Variants in ZBBX observed in about 807,000 individuals in gnomAD.
ZBBX encodes the protein zinc finger B-box domain containing.
A neutral mutation model predicts 108.5 loss-of-function variants in ZBBX; 101 were observed. The ratio of observed to expected loss-of-function variants is 0.93; its 90% confidence interval spans 0.79 to 1.10. The LOEUF is 1.10. Among genes scored for constraint, ZBBX ranks in the 50% least tolerant of loss-of-function variants. The pLI is 0.00. For synonymous variants in ZBBX, 356 were observed against 323.4 expected, an observed-to-expected ratio of 1.10 and a Z score of -1.08; for missense variants, 1,009 against 941.4, an observed-to-expected ratio of 1.07 and a Z score of -0.94.
At chr3:167,368,329 T>C (rs1409510059) in intron 5 of ZBBX, 132 bp downstream of exon 5, 2 of 659,056 alleles carry the variant, frequency 3.0e-6, no homozygotes, top group Non-Finnish European at 5.0e-6. Flanking sequence ...GCCTTTGCTA[T>C]TGCTCGTTCA....
intron 9 of ZBBX, among the ~76,000 whole-genome samples, chr3:167,348,296 A>AAAGAG (rs1553832440): frequency 9.2e-6 from 1 of 108,844 alleles, no homozygotes; most frequent in African/African-American, 3.3e-5. Context: ...GGAAGGAAAG[A>AAAGAG]AGAAAGAGAG....
At chr3:167,366,781 A>G (rs1001431764) in intron 5 of ZBBX, 4 of 454,774 alleles carry the variant, frequency 8.8e-6, no homozygotes, top group African/African-American at 2.0e-5. Flanking sequence ...AAAACTCACT[A>G]TCAGGGCTGA....
chr3:167,286,079 C>G (rs535737302), intron 19 of ZBBX, among the ~76,000 whole-genome samples: 52 of 152,132 alleles, frequency 3.4e-4, no homozygotes, highest in East Asian at 1.5e-3. Flanking sequence ...CAGAAGGTCT[C>G]TCTATGGAGG....
intron 3 of ZBBX, among the ~76,000 whole-genome samples, chr3:167,373,410 A>G (rs1746466997): frequency 6.6e-6 from 1 of 152,188 alleles, no homozygotes; most frequent in Admixed American, 6.5e-5. Flanking sequence ...ATGTGCTAAT[A>G]AAGTTAGAAA....
chr3:167,223,210 C>T, the ZBBX span, among the ~76,000 whole-genome samples: 3 of 151,972 alleles, frequency 2.0e-5, no homozygotes, highest in African/African-American at 4.8e-5. Flanking sequence ...TCAGAGTCCT[C>T]ACCCCATACC....
At chr3:167,329,233 G>A (rs1737960527) in intron 10 of ZBBX, among the ~76,000 whole-genome samples, 1 of 152,130 alleles carries the variant, frequency 6.6e-6, no homozygotes, top group Non-Finnish European at 1.5e-5. Flanking sequence ...GGAAACCCAA[G>A]CAAAGTAAAA....
At chr3:167,316,029 TCAC>T in intron 14 of ZBBX, among the ~76,000 whole-genome samples, 200 bp from the exon 15 acceptor site, 1 of 152,248 alleles carries the variant, frequency 6.6e-6, no homozygotes, top group East Asian at 1.9e-4. Flanking sequence ...AATTACTTTA[TCAC>T]TATTATAATA....
intron 20 of ZBBX, among the ~76,000 whole-genome samples, chr3:167,276,647 G>A (rs1028950328): frequency 6.6e-5 from 10 of 152,282 alleles, no homozygotes; most frequent in South Asian, 2.1e-4. Context: ...CGGGGAGAAC[G>A]GAACCAAGTT....
chr3:167,359,129 T>C (rs1744100548), intron 8 of ZBBX, among the ~76,000 whole-genome samples: 1 of 152,080 alleles, frequency 6.6e-6, no homozygotes, highest in South Asian at 2.1e-4. Flanking sequence ...TACTCCATAA[T>C]ACAAATGAAC....
chr3:167,370,869 A>G (rs1746057162), intron 4 of ZBBX, among the ~76,000 whole-genome samples: 2 of 152,190 alleles, frequency 1.3e-5, no homozygotes, highest in South Asian at 2.1e-4. Context: ...TTTAAATATT[A>G]TGCATCAAAC....
At chr3:167,264,158 A>T (rs1388773061) in intron 20 of ZBBX, among the ~76,000 whole-genome samples, 3 of 152,124 alleles carry the variant, frequency 2.0e-5, no homozygotes, top group Non-Finnish European at 4.4e-5. Context: ...TTTTCCATCC[A>T]TTCAGCCATT....
At chr3:167,337,240 G>A (rs1440832272) in intron 9 of ZBBX, among the ~76,000 whole-genome samples, 4 of 152,112 alleles carry the variant, frequency 2.6e-5, no homozygotes, top group Admixed American at 6.6e-5. Flanking sequence ...TATTTAGGCT[G>A]GGCAGGGTGG....
chr3:167,235,850 C>T (rs1402719528), downstream of ZBBX, among the ~76,000 whole-genome samples: 1 of 151,554 alleles, frequency 6.6e-6, no homozygotes, highest in African/African-American at 2.4e-5. Flanking sequence ...ACATCATAAT[C>T]ATTTACTCAA....
the ZBBX span, among the ~76,000 whole-genome samples, chr3:167,185,670 A>AGTTC: frequency 6.6e-6 from 1 of 152,124 alleles, no homozygotes; most frequent in Non-Finnish European, 1.5e-5. Flanking sequence ...GCATTCTTTA[A>AGTTC]TATCATTCAC....
At chr3:167,278,393 C>T (rs1235164115) in intron 20 of ZBBX, among the ~76,000 whole-genome samples, 1,487 of 145,660 alleles carry the variant, frequency 0.01, 21 homozygotes, top group African/African-American at 0.036. Context: ...ATCAAATAGA[C>T]GCAATAAAAA....
the ZBBX span, among the ~76,000 whole-genome samples, chr3:167,178,638 G>C: frequency 6.6e-6 from 1 of 152,214 alleles, no homozygotes; most frequent in African/African-American, 2.4e-5. Context: ...ACCCAAATTG[G>C]CTGCTGATAA....
Position 167,314,134 on chromosome 3 carries a change from A to T in ZBBX, c.1275-18T>A, listed in dbSNP as rs1170328806. On this transcript the variant is annotated intron_variant, in intron 15 of 21. Transcript: ENST00000675490. ...AAGCACAACTTTCACATGTAGGAACAAACAAAATAATAGAGTTGAAAAAAT... is the reference window on the plus strand; with the variant it reads ...AAGCACAACTTTCACATGTAGGAACTAACAAAATAATAGAGTTGAAAAAAT... 1 of 1,564,478 alleles carries T rather than the reference A, an allele frequency of 6.4e-7. No individual in the cohort carries two copies. Among genetic ancestry groups the T allele is most frequent in the Non-Finnish European group, 8.6e-7 (1 of 1,161,174 alleles).
chr3:167,330,612 T>C (rs550953921), intron 10 of ZBBX, among the ~76,000 whole-genome samples: 4 of 151,922 alleles, frequency 2.6e-5, no homozygotes, highest in Admixed American at 6.6e-5. Context: ...AGGGAGATAG[T>C]TGGACGTGGT....
At chr3:167,184,143 A>C in the ZBBX span, among the ~76,000 whole-genome samples, 20 of 152,238 alleles carry the variant, frequency 1.3e-4, no homozygotes, top group Admixed American at 1.3e-3. Context: ...AAACAAATTG[A>C]ATACCCATAG....
Sources: allele counts gnomAD v4.1 joint callset (sites outside exome capture counted in the v4.1 genomes callset), GRCh38; gene constraint gnomAD v4.1.1; transcripts MANE v1.5; gene names NCBI Gene and HGNC (gene_info 2026-07-23, HGNC 2026-07-21).